The following NAGS variants were observed in gnomAD, a reference collection of about 807,000 sequenced individuals.
The protein encoded by NAGS is N-acetylglutamate synthase, also known as N-acetylglutamate synthase, mitochondrial.
A neutral mutation model predicts 46.9 loss-of-function variants in NAGS; 34 were observed. The ratio of observed to expected loss-of-function variants is 0.72; its 90% CI spans 0.55 to 0.97. The LOEUF (loss-of-function observed/expected upper bound fraction) is 0.97. NAGS is among the 50% of genes least tolerant of loss of function. The probability of loss-of-function intolerance (pLI) is 0.00; values close to 1 mark genes in which losing one functional copy is unlikely to be tolerated. For synonymous variants in NAGS, 334 were observed against 346.3 expected (o/e 0.96, Z 0.39); for missense variants, 665 against 747.0 (o/e 0.89, Z 1.28).
chr17:44,005,231 CG>C lies in NAGS; in HGVS notation c.426+145del. On this transcript the variant is annotated intron_variant, in intron 1 of 6. Coordinates refer to ENST00000293404, the MANE Select transcript of NAGS (RefSeq NM_153006.3). This position sits in a 1 kb window ranked among gnomAD's most constrained non-coding sequence, Gnocchi z 7.2. ...CCGGCAGGGCCCAGACCAGCGCCGC[CG>C]GGAATGGGAGAGGCCGTAAGCTCCT... The C allele has an allele frequency of 1.4e-6, 2 of 1,428,452 alleles. No individual in the cohort carries two copies. Among genetic ancestry groups the C allele is most frequent in the Non-Finnish European group, 1.8e-6 (2 of 1,092,378 alleles). 88.5% of individuals were successfully genotyped at this position (1,428,452 alleles called of 1,614,324 possible). A position where few individuals can be genotyped will look rare whatever the true frequency, so the allele number is the denominator to read the frequency against.
chr17:44,006,342 G>A lies in NAGS; in HGVS notation c.915+105G>A, dbSNP rs1056173136. 3.3e-6 allele frequency: 5 copies of A among 1,495,436 alleles called. No individual in the cohort carries two copies. In the Admixed American group the frequency reaches 5.9e-5, roughly 18 times the overall value. The allele number at this position is 1,495,436 out of a possible 1,614,324, so 92.6% of individuals were successfully genotyped here. A position where few individuals can be genotyped will look rare whatever the true frequency, so the allele number is the denominator to read the frequency against. On this transcript the variant is annotated intron_variant, in intron 3 of 6. Coordinates refer to ENST00000293404, the MANE Select transcript of NAGS (RefSeq NM_153006.3). This position sits in a 1 kb window ranked among gnomAD's most constrained non-coding sequence, Gnocchi z 4.8. ...CCGCAGACTCACTAGCAAGCCGGGT[G>A]GGTAGAAAAGCCTAAGGGAGTATAG...
chr17:44,007,240 C>A lies in NAGS; in HGVS notation c.1097-83C>A. On this transcript the variant is annotated intron_variant, in intron 4 of 6. Coordinates refer to ENST00000293404, the MANE Select transcript of NAGS (RefSeq NM_153006.3). The surrounding 1 kb of genome is among the most constrained non-coding windows in gnomAD (Gnocchi z 5.1). The stretch of plus-strand genomic sequence containing the variant: ...TCTCCCAAAGACGGAAATTGTCCCA[C>A]CAGCGCCTGTCCTACCTGCAGTCCC... 5 of 1,363,588 alleles carry A rather than the reference C, an allele frequency of 3.7e-6. No individual in the cohort carries two copies. Among genetic ancestry groups the A allele is most frequent in the Non-Finnish European group, 5.1e-6 (5 of 983,602 alleles). The allele number at this position is 1,363,588 out of a possible 1,614,324, so 84.5% of individuals were successfully genotyped here.
rs755445669 is a variant in NAGS at position 44,004,861 on chromosome 17, G to A, written c.198G>A (p.Ala66=). 3 of 1,529,328 alleles carry A rather than the reference G, an allele frequency of 2.0e-6. No individual in the cohort carries two copies. Among genetic ancestry groups the A allele is most frequent in the South Asian group, 2.4e-5 (2 of 83,526 alleles). 94.7% of individuals were successfully genotyped at this position (1,529,328 alleles called of 1,614,324 possible). A position where few individuals can be genotyped will look rare whatever the true frequency, so the allele number is the denominator to read the frequency against. The part of the protein sequence containing the change: ...PQPPPEEYAG[A]DDVSQSPVAE... ...CCCCGCCCGAGGAGTACGCGGGCGC[G>A]GACGACGTCTCCCAGTCGCCCGTCG... is the stretch of plus-strand genomic sequence containing the variant. The change falls in exon 1 of 7, where the codon GCG becomes GCA. Residue 66 remains alanine, a synonymous_variant. Coordinates refer to ENST00000293404, the MANE Select transcript of NAGS (RefSeq NM_153006.3).
chr17:44,006,846 C>T lies in NAGS; in HGVS notation c.1096+137C>T. On this transcript the variant is annotated intron_variant, in intron 4 of 6. Transcript: ENST00000293404. The surrounding 1 kb of genome is among the most constrained non-coding windows in gnomAD (Gnocchi z 4.8). ...GAGGCGGGGGGTGTCACAGCAATGG[C>T]TCCTGCTGCTGCCGAAACCCGGGGG... The T allele has an allele frequency of 1.1e-6, 1 of 918,026 alleles. No individual in the cohort carries two copies. Among genetic ancestry groups the T allele is most frequent in the Non-Finnish European group, 1.6e-6 (1 of 625,126 alleles). 56.9% of individuals were successfully genotyped at this position (918,026 alleles called of 1,614,324 possible). A position where few individuals can be genotyped will look rare whatever the true frequency, so the allele number is the denominator to read the frequency against.
In NAGS at chr17:44,007,411, C is replaced by A; in HGVS notation, c.1185C>A (p.Val395=). ...KLDQGRLVDL[V]NASFGKKLRD... ...ACCAGGGCCGTCTAGTGGACCTGGT[C>A]AACGCCAGCTTCGGCAAGAAGCTCA... is the stretch of plus-strand genomic sequence containing the variant. The change falls in exon 5 of 7, where the codon GTC becomes GTA. Residue 395 remains valine (V), a synonymous_variant. Transcript: ENST00000293404. The surrounding 1 kb of genome is among the most constrained non-coding windows in gnomAD (Gnocchi z 5.1). 6.2e-7 allele frequency: 1 copy of A among 1,613,876 alleles called. No individual in the cohort carries two copies.
rs1597866458 is a variant in NAGS, at chr17:44,007,629, TG to T, written c.1313del (p.Gly438AlafsTer10). On this transcript the variant is annotated frameshift_variant, in exon 6 of 7. Coordinates refer to ENST00000293404, the MANE Select transcript of NAGS (RefSeq NM_153006.3). LOFTEE classifies it high-confidence loss of function. This position sits in a 1 kb window ranked among gnomAD's most constrained non-coding sequence, Gnocchi z 5.1. ...AAAILTMEPVLGGTPYLDKFV... is the reference protein window; with the variant it reads ...AAAILTMEPVXGGTPYLDKFV... ...GCCATTCTGACCATGGAGCCCGTCCTGGGGGGCACCCCGTACCTGGACAAAT... is the reference window on the plus strand; with the variant it reads ...GCCATTCTGACCATGGAGCCCGTCCTGGGGGCACCCCGTACCTGGACAAAT... 5 of 1,605,808 alleles carry T rather than the reference TG, an allele frequency of 3.1e-6. No individual in the cohort carries two copies. The highest frequency in any genetic ancestry group is 4.3e-6 in the Non-Finnish European group (5 of 1,176,194).
rs970527621 is a variant in NAGS at position 44,006,287 on chromosome 17, C to T, written c.915+50C>T. The T allele has an allele frequency of 1.8e-5, 29 of 1,591,058 alleles. No individual in the cohort carries two copies. The highest frequency in any genetic ancestry group is 4.0e-5 in the African/African-American group (3 of 74,496). The stretch of plus-strand genomic sequence containing the variant: ...CCCACGCCGGCGATCCGGGCCTTCT[C>T]TTGCGCCCCTCGCACTTCTCCCCGA... On this transcript the variant is annotated intron_variant, in intron 3 of 6. Transcript: ENST00000293404. This position sits in a 1 kb window ranked among gnomAD's most constrained non-coding sequence, Gnocchi z 4.8.
In NAGS at chr17:44,007,083, C is replaced by G. The variant is rs1304774795; in HGVS notation, c.1097-240C>G. 1.7e-6 allele frequency: 1 copy of G among 594,322 alleles called. No homozygotes were observed. Among genetic ancestry groups the G allele is most frequent in the East Asian group, 2.8e-5 (1 of 35,244 alleles). 36.8% of individuals were successfully genotyped at this position (594,322 alleles called of 1,614,324 possible). On this transcript the variant is annotated intron_variant, in intron 4 of 6. Coordinates refer to ENST00000293404, the MANE Select transcript of NAGS (RefSeq NM_153006.3). This position sits in a 1 kb window ranked among gnomAD's most constrained non-coding sequence, Gnocchi z 5.1. ...ACAGACTTCAAGGAGCGAGGCAAGA[C>G]TAACGGAAGTGGGTGGGGCTCCAGG...
Position 44,006,538 on chromosome 17 carries a change from A to T in NAGS, c.925A>T (p.Asn309Tyr). ...CTGACTCCGGACACAGGTCCTGAGT[A>T]ACGTGAACCTGCCCGCCGACCTGGA... ...LRDSSHKVLS[N>Y]VNLPADLDLV... Residue 309 changes from asparagine (N) to tyrosine (Y), a missense_variant, in exon 4 of 7, where the codon AAC (asparagine) becomes TAC (tyrosine). Physicochemically the swap from Asn to Tyr is moderately radical, Grantham distance 143. Transcript: ENST00000293404. The surrounding 1 kb of genome is among the most constrained non-coding windows in gnomAD (Gnocchi z 4.8). The T allele has an allele frequency of 1.3e-6, 2 of 1,555,194 alleles. No homozygotes were observed. The highest frequency in any genetic ancestry group is 1.7e-6 in the Non-Finnish European group (2 of 1,149,052).
At position 44,005,231 on chromosome 17, in the gene NAGS, C is replaced by A. The variant is rs886473274; in HGVS notation, c.426+142C>A. 1 of 1,428,452 alleles carries A rather than the reference C, an allele frequency of 7.0e-7. No individual in the cohort carries two copies. The highest frequency in any genetic ancestry group is 9.2e-7 in the Non-Finnish European group (1 of 1,092,378). 88.5% of individuals were successfully genotyped at this position (1,428,452 alleles called of 1,614,324 possible). A position where few individuals can be genotyped will look rare whatever the true frequency, so the allele number is the denominator to read the frequency against. ...CCGGCAGGGCCCAGACCAGCGCCGC[C>A]GGGAATGGGAGAGGCCGTAAGCTCC... On this transcript the variant is annotated intron_variant, in intron 1 of 6. Transcript: ENST00000293404. The surrounding 1 kb of genome is among the most constrained non-coding windows in gnomAD (Gnocchi z 7.2).
Position 44,007,004 on chromosome 17 carries a change from C to T in NAGS, c.1096+295C>T, listed in dbSNP as rs1299946339. 2.0e-5 allele frequency: 10 copies of T among 489,434 alleles called. No homozygotes were observed. In the Admixed American group the frequency reaches 3.4e-4, roughly 16 times the overall value. The allele number at this position is 489,434 out of a possible 1,614,324, so 30.3% of individuals were successfully genotyped here. On this transcript the variant is annotated intron_variant, in intron 4 of 6. Coordinates refer to ENST00000293404, the MANE Select transcript of NAGS (RefSeq NM_153006.3). The surrounding 1 kb of genome is among the most constrained non-coding windows in gnomAD (Gnocchi z 5.1). ...GGGGCGGGACCATAAGGGAGGTGTT[C>T]GACCGGGAGAGATGGGCGGGGCTTA...
In NAGS at chr17:44,006,592, A is replaced by C. The variant is rs1471384377; in HGVS notation, c.979A>C (p.Thr327Pro). ...DLVCNAEWVS[T>P]KERQQMRLIV... Reference sequence around the variant, plus strand: ...GGTGTGCAACGCCGAGTGGGTGAGCACAAAAGAACGGCAGCAGATGCGGCT... The same window carrying C: ...GGTGTGCAACGCCGAGTGGGTGAGCCCAAAAGAACGGCAGCAGATGCGGCT... The change falls in exon 4 of 7, where the codon ACA (threonine) becomes CCA (proline). Residue 327 changes from threonine to proline, a missense_variant. Coordinates refer to ENST00000293404, the MANE Select transcript of NAGS (RefSeq NM_153006.3). This position sits in a 1 kb window ranked among gnomAD's most constrained non-coding sequence, Gnocchi z 4.8. 6.3e-7 allele frequency: 1 copy of C among 1,596,996 alleles called. No homozygotes were observed. Among genetic ancestry groups the C allele is most frequent in the African/African-American group, 1.3e-5 (1 of 74,710 alleles).
Position 44,007,329 on chromosome 17 carries a change from G to A in NAGS, c.1103G>A (p.Gly368Glu). Residue 368 changes from glycine (G) to glutamate (E), a missense_variant, in exon 5 of 7, where the codon GGG becomes GAG. Coordinates refer to ENST00000293404, the MANE Select transcript of NAGS (RefSeq NM_153006.3). This position sits in a 1 kb window ranked among gnomAD's most constrained non-coding sequence, Gnocchi z 5.1. ...LTELFSNKGS[G>E]TLFKNAERML... ...CCTCCCCATCCTCCTCCAGGGTCCG[G>A]GACCCTGTTCAAGAACGCCGAGCGA... 6.2e-7 allele frequency: 1 copy of A among 1,613,740 alleles called. No individual in the cohort carries two copies.
At chr17:44,008,332 TG>T in intron 6 of NAGS, 115 bp from the exon 7 acceptor site, 2 of 1,247,404 alleles carry the variant, frequency 1.6e-6, no homozygotes, top group Non-Finnish European at 2.4e-6. Flanking sequence ...AGGACCAAGC[TG>T]GGTGCCCAGC....
rs867821218 is a variant in NAGS at position 44,006,242 on chromosome 17, G to A, written c.915+5G>A. The A allele has an allele frequency of 5.6e-6, 9 of 1,612,824 alleles. 1 individual carries two copies. In the Middle Eastern group the frequency reaches 6.6e-4, roughly 118 times the overall value. On this transcript the variant is annotated splice_donor_5th_base_variant and intron_variant, in intron 3 of 6. Transcript: ENST00000293404. This position sits in a 1 kb window ranked among gnomAD's most constrained non-coding sequence, Gnocchi z 4.8. ...CTGCGCGACAGCAGTCATAAGGTGC[G>A]GCCCTTTCTTTCACCTTCCCCCACG... is the stretch of plus-strand genomic sequence containing the variant.
chr17:44,006,939 C>G lies in NAGS; in HGVS notation c.1096+230C>G. On this transcript the variant is annotated intron_variant, in intron 4 of 6. Coordinates refer to ENST00000293404, the MANE Select transcript of NAGS (RefSeq NM_153006.3). This position sits in a 1 kb window ranked among gnomAD's most constrained non-coding sequence, Gnocchi z 4.8. ...GAAGGAATTAAAGGAATGGGCGGGACTAGGGGGGAGAAGGAGGGGCCCCCC... is the reference window on the plus strand; with the variant it reads ...GAAGGAATTAAAGGAATGGGCGGGAGTAGGGGGGAGAAGGAGGGGCCCCCC... 1 of 368,416 alleles carries G rather than the reference C, an allele frequency of 2.7e-6. No individual in the cohort carries two copies. Among genetic ancestry groups the G allele is most frequent in the Non-Finnish European group, 4.8e-6 (1 of 208,188 alleles). 22.8% of individuals were successfully genotyped at this position (368,416 alleles called of 1,614,324 possible).
At position 44,008,795 on chromosome 17, in the gene NAGS, A is replaced by G. The variant is rs538762507; in HGVS notation, c.*194A>G. ...GACAAGCACAGGAAAGAAGGGGACCAGTCTAGGACCCCAACTCGACTCACT... is the reference window on the plus strand; with the variant it reads ...GACAAGCACAGGAAAGAAGGGGACCGGTCTAGGACCCCAACTCGACTCACT... On this transcript the variant is annotated 3_prime_UTR_variant, in exon 7 of 7. Coordinates refer to ENST00000293404, the MANE Select transcript of NAGS (RefSeq NM_153006.3). The G allele has an allele frequency of 3.1e-4, 220 of 709,806 alleles. No homozygotes were observed. The African/African-American group carries it at 3.5e-3, about 11-fold the overall frequency. The allele number at this position is 709,806 out of a possible 1,614,324, so 44.0% of individuals were successfully genotyped here.
chr17:44,004,626 A>G lies in NAGS; in HGVS notation c.-38A>G, dbSNP rs746221783. ...CCCCCCAGTGCCAGACGCTCCAGAC[A>G]GACTGCCACTCTTGGGGGGCAAGAG... On this transcript the variant is annotated 5_prime_UTR_variant, in exon 1 of 7. Coordinates refer to ENST00000293404, the MANE Select transcript of NAGS (RefSeq NM_153006.3). 1.4e-6 allele frequency: 2 copies of G among 1,476,618 alleles called. No homozygotes were observed. Among genetic ancestry groups the G allele is most frequent in the African/African-American group, 1.4e-5 (1 of 69,396 alleles). 91.5% of individuals were successfully genotyped at this position (1,476,618 alleles called of 1,614,324 possible).
At chr17:44,008,103 A>G (rs2049119368) in intron 6 of NAGS, among the ~76,000 whole-genome samples, 1 of 151,748 alleles carries the variant, frequency 6.6e-6, no homozygotes, top group South Asian at 2.1e-4. Flanking sequence ...CTACCCCCTC[A>G]CCCCTACACC....
Sources: allele counts gnomAD v4.1 joint callset (sites outside exome capture counted in the v4.1 genomes callset), GRCh38; gene constraint gnomAD v4.1.1; non-coding constraint Gnocchi (gnomAD v3.1); transcripts MANE v1.5; gene names NCBI Gene and HGNC (gene_info 2026-07-23, HGNC 2026-07-21).